SETD5: variants seen among roughly 807,000 people sequenced by gnomAD.
SETD5 encodes the protein histone-lysine N-methyltransferase SETD5.
In SETD5, 44 loss-of-function variants were observed where a neutral mutation model predicts 153.3. The observed-to-expected ratio is 0.29, with a 90% CI of 0.23 to 0.37. The LOEUF (loss-of-function observed/expected upper bound fraction) is 0.37, where lower values mean the gene tolerates loss of function less well. SETD5 is among the 10% of genes least tolerant of loss of function. The probability of loss-of-function intolerance (pLI) is 1.00; values close to 1 mark genes in which losing one functional copy is unlikely to be tolerated. For synonymous variants in SETD5, 716 were observed against 645.2 expected, an observed-to-expected ratio of 1.11 and a Z score of -1.66; for missense variants, 1,544 against 1,768.0, an observed-to-expected ratio of 0.87 and a Z score of 2.27.
chr3:9,463,151 C>T (rs1393732683), intron 17 of SETD5, among the ~76,000 whole-genome samples: 1 of 152,150 alleles, frequency 6.6e-6, no homozygotes, highest in Non-Finnish European at 1.5e-5. Context: ...TCCTGAGTAA[C>T]TGGAACTGCA....
At chr3:9,426,341 C>G (rs2039241635) in intron 2 of SETD5, among the ~76,000 whole-genome samples, 1 of 144,602 alleles carries the variant, frequency 6.9e-6, no homozygotes, top group Non-Finnish European at 1.5e-5. Context: ...CTCAAGCAAT[C>G]CTCCCACCTC....
chr3:9,418,448 G>C (rs1377440129), intron 1 of SETD5, among the ~76,000 whole-genome samples: 2 of 152,118 alleles, frequency 1.3e-5, no homozygotes, highest in Non-Finnish European at 2.9e-5. Context: ...CTTCAGCTAG[G>C]GTTTATTTTG....
intron 1 of SETD5, among the ~76,000 whole-genome samples, chr3:9,424,095 A>T (rs9832810): frequency 0.29 from 44,099 of 152,030 alleles, 8,035 homozygotes; most frequent in African/African-American, 0.52. Flanking sequence ...TAAAGAAAGA[A>T]CTCTGAATTT....
intron 1 of SETD5, among the ~76,000 whole-genome samples, chr3:9,407,172 A>G (rs1429357785): frequency 6.6e-6 from 1 of 152,118 alleles, no homozygotes; most frequent in South Asian, 2.1e-4. Flanking sequence ...TACTAAAAAT[A>G]CAAAAATTAC....
At chr3:9,448,343 T>G in intron 15 of SETD5, 45 bp from the exon 16 acceptor site, 1 of 1,599,510 alleles carries the variant, frequency 6.3e-7, no homozygotes, top group Non-Finnish European at 8.5e-7. Context: ...TGAACTACAC[T>G]GCTACCTCTT....
At position 9,434,149 on chromosome 3, in the gene SETD5, A is replaced by C; in HGVS notation, c.178-185A>C. 3 of 1,547,990 alleles carry C rather than the reference A, an allele frequency of 1.9e-6. No individual in the cohort carries two copies. Among genetic ancestry groups the C allele is most frequent in the Non-Finnish European group, 2.6e-6 (3 of 1,147,234 alleles). On this transcript the variant is annotated intron_variant, in intron 4 of 22. Coordinates refer to ENST00000402198, the MANE Select transcript of SETD5 (RefSeq NM_001080517.3). The surrounding 1 kb of genome is among the most constrained non-coding windows in gnomAD (Gnocchi z 5.6). ...CCAGTTGACCTTGGCATTTTGTTTT[A>C]TCACTTTCCTGGTTGAAGCCAAAAA...
chr3:9,474,944 C>A, intron 21 of SETD5, 124 bp from the exon 22 acceptor site: 3 of 845,802 alleles, frequency 3.5e-6, no homozygotes, highest in Admixed American at 2.7e-5. Context: ...CTGCACTCAC[C>A]CAATTTGTCA....
rs372031770 is a variant in SETD5, at chr3:9,434,755, C to G, written c.330-69C>G. 9.1e-6 allele frequency: 14 copies of G among 1,532,556 alleles called. No homozygotes were observed. Among genetic ancestry groups the G allele is most frequent in the Non-Finnish European group, 1.2e-5 (14 of 1,135,270 alleles). The allele number at this position is 1,532,556 out of a possible 1,614,324, so 94.9% of individuals were successfully genotyped here. A position where few individuals can be genotyped will look rare whatever the true frequency, so the allele number is the denominator to read the frequency against. ...GGGGGTAGCATATGCAGAGACACTT[C>G]GCCCATGTGTGCTATGATGTGATGC... is the stretch of plus-strand genomic sequence containing the variant. On this transcript the variant is annotated intron_variant, in intron 5 of 22. Transcript: ENST00000402198. The surrounding 1 kb of genome is among the most constrained non-coding windows in gnomAD (Gnocchi z 5.6).
chr3:9,432,952 A>G (rs951290114), intron 3 of SETD5, among the ~76,000 whole-genome samples: 5 of 152,186 alleles, frequency 3.3e-5, no homozygotes, highest in African/African-American at 4.8e-5. Context: ...TTGGAGTCAG[A>G]CAGACTTTGT....
At chr3:9,399,034 G>C (rs1304847534) in intron 1 of SETD5, among the ~76,000 whole-genome samples, 1 of 152,156 alleles carries the variant, frequency 6.6e-6, no homozygotes, top group Non-Finnish European at 1.5e-5. Context: ...ACTGGGCTTT[G>C]TCTATATTTA....
At position 9,476,186 on chromosome 3, in the gene SETD5, G is replaced by C. The variant is rs529596973; in HGVS notation, c.*95G>C. On this transcript the variant is annotated 3_prime_UTR_variant, in exon 23 of 23. Transcript: ENST00000402198. ...TAGGCCGAGCATATTGCTGAGGAAC[G>C]GGGGGTACAAGGTGCCAGAGGATTG... 26 of 1,461,082 alleles carry C rather than the reference G, an allele frequency of 1.8e-5. No homozygotes were observed. The highest frequency in any genetic ancestry group is 2.2e-5 in the Non-Finnish European group (24 of 1,097,154). The allele number at this position is 1,461,082 out of a possible 1,614,324, so 90.5% of individuals were successfully genotyped here.
chr3:9,433,801 A>G, intron 3 of SETD5, 44 bp from the exon 4 acceptor site: 2 of 1,573,386 alleles, frequency 1.3e-6, no homozygotes, highest in Non-Finnish European at 1.7e-6. Flanking sequence ...TTAAGGGAAG[A>G]TTAGGTGTTA....
intron 1 of SETD5, among the ~76,000 whole-genome samples, chr3:9,411,392 C>T (rs2036549074): frequency 6.6e-6 from 1 of 151,890 alleles, no homozygotes; most frequent in African/African-American, 2.4e-5. Context: ...AGTCTTGTAC[C>T]TGTTAAATGT....
intron 18 of SETD5, among the ~76,000 whole-genome samples, chr3:9,466,287 CAAAAAAA>C (rs146498301): frequency 3.0e-4 from 19 of 63,284 alleles, no homozygotes; most frequent in Admixed American, 7.1e-4. Flanking sequence ...GACTCCGTCT[CAAAAAAA>C]AAAAAAAAAA....
intron 7 of SETD5, 61 bp from the exon 8 acceptor site, chr3:9,440,395 C>G: frequency 1.1e-6 from 1 of 884,242 alleles, no homozygotes; most frequent in South Asian, 1.5e-5. Flanking sequence ...GTCCCACCCC[C>G]ATTCCCAACC....
At chr3:9,464,724 A>G in intron 18 of SETD5, 52 bp downstream of exon 18, 1 of 1,612,202 alleles carries the variant, frequency 6.2e-7, no homozygotes, top group East Asian at 2.2e-5. Context: ...CATCATTTGT[A>G]CCTTCTCATT....
chr3:9,408,606 A>G (rs1009863504), intron 1 of SETD5, among the ~76,000 whole-genome samples: 2 of 149,338 alleles, frequency 1.3e-5, no homozygotes, highest in African/African-American at 2.6e-5. Context: ...ACATTCCTCT[A>G]TTAAACAACC....
intron 11 of SETD5, among the ~76,000 whole-genome samples, chr3:9,444,834 C>G (rs1191722554): frequency 6.6e-6 from 1 of 152,096 alleles, no homozygotes; most frequent in African/African-American, 2.4e-5. Context: ...CTGTGATGCA[C>G]CACTGCACTC....
In SETD5 at chr3:9,448,366, AATG is replaced by A. The variant is rs1429952629; in HGVS notation, c.2104-19_2104-17del. The stretch of plus-strand genomic sequence containing the variant: ...ACTGCTACCTCTTGATTTATAAACT[AATG>A]ATCTCTTTTTTACCTTAGTATCTAG... On this transcript the variant is annotated intron_variant, in intron 15 of 22. Coordinates refer to ENST00000402198, the MANE Select transcript of SETD5 (RefSeq NM_001080517.3). The A allele has an allele frequency of 3.1e-6, 5 of 1,611,356 alleles. No individual in the cohort carries two copies. Among genetic ancestry groups the A allele is most frequent in the African/African-American group, 2.7e-5 (2 of 74,868 alleles).
Sources: gnomAD v4.1 joint callset for allele counts (sites outside exome capture counted in the v4.1 genomes callset) on GRCh38, gnomAD v4.1.1 for gene constraint, Gnocchi (gnomAD v3.1) non-coding constraint, MANE v1.5 for transcripts, NCBI Gene and HGNC (gene_info 2026-07-23, HGNC 2026-07-21) for gene names.